Variants in NRG1 observed in about 807,000 individuals in gnomAD.
The protein encoded by NRG1 is neuregulin 1.
NRG1 carries 18 observed loss-of-function variants against 63.8 expected under a neutral mutation model. The ratio of observed to expected loss-of-function variants is 0.28; its 90% CI spans 0.19 to 0.42. NRG1 has a LOEUF of 0.42. Among genes scored for constraint, NRG1 ranks in the 10% least tolerant of loss-of-function variants. NRG1 has a pLI of 1.00. For synonymous variants in NRG1, 302 were observed against 301.3 expected (o/e 1.00, Z -0.02); for missense variants, 762 against 814.7 (o/e 0.94, Z 0.79).
chr8:32,282,759 G>T (rs560611231), intron 1 of NRG1, among the ~76,000 whole-genome samples: 1 of 152,040 alleles, frequency 6.6e-6, no homozygotes, highest in Admixed American at 6.5e-5. Context: ...GACTTTATTT[G>T]GTTTTATGAT....
chr8:31,640,878 C>T lies in NRG1; in HGVS notation c.37+1447C>T, dbSNP rs988265276. 2 of 1,368,650 alleles carry T rather than the reference C, an allele frequency of 1.5e-6. No homozygotes were observed. Among genetic ancestry groups the T allele is most frequent in the Non-Finnish European group, 1.9e-6 (2 of 1,063,160 alleles). 84.8% of individuals were successfully genotyped at this position (1,368,650 alleles called of 1,614,324 possible). A position where few individuals can be genotyped will look rare whatever the true frequency, so the allele number is the denominator to read the frequency against. On this transcript the variant is annotated intron_variant, in intron 1 of 10. Coordinates refer to the NRG1 transcript ENST00000519301. This position sits in a 1 kb window ranked among gnomAD's most constrained non-coding sequence, Gnocchi z 6.3. Reference sequence around the variant, plus strand: ...TCAGGGTGGTGGGTTCTCAGCGATCCTCAGAGAGGGAGGTTTCGCTTTCTC... The same window carrying T: ...TCAGGGTGGTGGGTTCTCAGCGATCTTCAGAGAGGGAGGTTTCGCTTTCTC...
chr8:32,741,932 T>C lies in NRG1; in HGVS notation c.633-743T>C, dbSNP rs142453003. On this transcript the variant is annotated intron_variant, in intron 6 of 11. Transcript: ENST00000356819. ...CATTTTTAGGAATCTCCATATTCCA[T>C]AGGAGGAAAATTGCCAGTCTGAAAG... 191 of 1,044,706 alleles carry C rather than the reference T, an allele frequency of 1.8e-4. 1 individual carries two copies. In the East Asian group the frequency reaches 4.0e-3, roughly 22 times the overall value. 64.7% of individuals were successfully genotyped at this position (1,044,706 alleles called of 1,614,324 possible). A position where few individuals can be genotyped will look rare whatever the true frequency, so the allele number is the denominator to read the frequency against.
chr8:32,487,051 AT>A (rs909022955), intron 1 of NRG1, among the ~76,000 whole-genome samples: 16 of 152,160 alleles, frequency 1.1e-4, no homozygotes, highest in East Asian at 7.7e-4. Flanking sequence ...AATAAATCAT[AT>A]TTTTTTAATT....
At chr8:31,773,496 C>A (rs1818829491) in intron 1 of NRG1, among the ~76,000 whole-genome samples, 1 of 152,220 alleles carries the variant, frequency 6.6e-6, no homozygotes, top group Non-Finnish European at 1.5e-5. Context: ...CCATCATAGT[C>A]TCTCATCCAA....
chr8:32,186,105 C>G (rs1265415842), intron 1 of NRG1, among the ~76,000 whole-genome samples: 1 of 152,166 alleles, frequency 6.6e-6, no homozygotes, highest in Non-Finnish European at 1.5e-5. Context: ...GGCTATTAAA[C>G]TCATATCTAA....
intron 7 of NRG1, among the ~76,000 whole-genome samples, chr8:32,748,314 T>G (rs1827878736): frequency 1.4e-5 from 2 of 140,430 alleles, no homozygotes; most frequent in African/African-American, 5.4e-5. Context: ...ACCACACACA[T>G]AGGCGCATGT....
At chr8:32,159,866 G>A (rs982901260) in intron 1 of NRG1, among the ~76,000 whole-genome samples, 1 of 152,102 alleles carries the variant, frequency 6.6e-6, no homozygotes, top group African/African-American at 2.4e-5. Flanking sequence ...ATGATGTGCT[G>A]GAATGGGATG....
At chr8:32,638,073 T>G (rs1851660011) in intron 5 of NRG1, among the ~76,000 whole-genome samples, 1 of 152,190 alleles carries the variant, frequency 6.6e-6, no homozygotes, top group Non-Finnish European at 1.5e-5. Context: ...AAAGCTTTCC[T>G]TTGTAGAAAT....
chr8:31,653,828 C>T (rs1438631526), intron 1 of NRG1, among the ~76,000 whole-genome samples: 1 of 152,224 alleles, frequency 6.6e-6, no homozygotes, highest in Non-Finnish European at 1.5e-5. Context: ...CACATTCACT[C>T]TGTCTCTCCC....
At chr8:32,584,446 G>A (rs1223190977) in intron 1 of NRG1, among the ~76,000 whole-genome samples, 1 of 152,192 alleles carries the variant, frequency 6.6e-6, no homozygotes, top group African/African-American at 2.4e-5. Flanking sequence ...GGACCCTGCT[G>A]AAGAAGGGAT....
At chr8:31,738,576 T>G (rs1378244205) in intron 1 of NRG1, among the ~76,000 whole-genome samples, 2 of 152,116 alleles carry the variant, frequency 1.3e-5, no homozygotes, top group Non-Finnish European at 2.9e-5. Flanking sequence ...AATCTGTGTG[T>G]GTGTATGTAT....
intron 1 of NRG1, among the ~76,000 whole-genome samples, chr8:32,027,750 G>A (rs1001760150): frequency 6.6e-6 from 1 of 152,064 alleles, no homozygotes; most frequent in Non-Finnish European, 1.5e-5. Flanking sequence ...CCTTTTCTCT[G>A]TCTCCTAAGA....
rs144914656 is a variant in NRG1, at chr8:32,293,749, T to C, written c.38-302079T>C. Among the ~76,000 whole-genome samples the C allele has an allele frequency of 4.2e-3, 614 of 147,782 alleles. 5 individuals are homozygous for C. Among genetic ancestry groups the C allele is most frequent in the African/African-American group, 0.015 (584 of 39,896 alleles). On this transcript the variant is annotated intron_variant, in intron 1 of 10. Transcript: ENST00000519301. ...TTTTTTTTTTTTTTGAGATGGAGTTTCACTCTGTCGCCCAGGCTGGAGAGC... is the reference window on the plus strand; with the variant it reads ...TTTTTTTTTTTTTTGAGATGGAGTTCCACTCTGTCGCCCAGGCTGGAGAGC...
chr8:32,389,384 G>A (rs1012711876), intron 1 of NRG1, among the ~76,000 whole-genome samples: 2 of 152,148 alleles, frequency 1.3e-5, no homozygotes, highest in African/African-American at 4.8e-5. Flanking sequence ...AGACCTAGTC[G>A]CAGGTCTTGT....
intron 1 of NRG1, among the ~76,000 whole-genome samples, chr8:32,563,370 G>C (rs1836818824): frequency 6.6e-6 from 1 of 152,170 alleles, no homozygotes; most frequent in Non-Finnish European, 1.5e-5. Flanking sequence ...AACTTTTGAT[G>C]GGTGAAATTG....
intron 1 of NRG1, among the ~76,000 whole-genome samples, chr8:32,165,753 C>A (rs908467837): frequency 2.6e-5 from 4 of 152,136 alleles, no homozygotes; most frequent in African/African-American, 9.7e-5. Context: ...ACCTCTTTAT[C>A]TCATCCCTTA....
intron 1 of NRG1, among the ~76,000 whole-genome samples, chr8:32,312,232 C>T (rs572397007): frequency 3.7e-5 from 5 of 133,986 alleles, no homozygotes; most frequent in African/African-American, 8.3e-5. Flanking sequence ...GGCATGATCT[C>T]GGCTCACTGC....
intron 1 of NRG1, among the ~76,000 whole-genome samples, chr8:32,094,154 T>G (rs1428120099): frequency 6.6e-6 from 1 of 152,062 alleles, no homozygotes; most frequent in African/African-American, 2.4e-5. Flanking sequence ...ATTATGAGAG[T>G]TGTGAAGTGC....
intron 1 of NRG1, among the ~76,000 whole-genome samples, chr8:32,240,563 G>A (rs1182192148): frequency 6.6e-6 from 1 of 152,072 alleles, no homozygotes; most frequent in Non-Finnish European, 1.5e-5. Context: ...ATACACATAT[G>A]AGTGCATATA....
Sources: allele counts gnomAD v4.1 joint callset (sites outside exome capture counted in the v4.1 genomes callset), GRCh38; gene constraint gnomAD v4.1.1; non-coding constraint Gnocchi (gnomAD v3.1); transcripts MANE v1.5; gene names NCBI Gene and HGNC (gene_info 2026-07-23, HGNC 2026-07-21).